Variants in MECOM observed in about 807,000 individuals in gnomAD.
MECOM encodes the protein MDS1 and EVI1 complex locus, also known as histone-lysine N-methyltransferase MECOM.
A neutral mutation model predicts 116.3 loss-of-function variants in MECOM; 13 were observed. The ratio of observed to expected loss-of-function variants is 0.11; its 90% CI spans 0.07 to 0.18. MECOM has a LOEUF of 0.18. Among genes scored for constraint, MECOM ranks in the 10% least tolerant of loss-of-function variants. The probability of loss-of-function intolerance (pLI) is 1.00; values close to 1 mark genes in which losing one functional copy is unlikely to be tolerated. For missense variants in MECOM, 1,299 were observed against 1,509.0 expected (o/e 0.86, Z 2.31); for synonymous variants, 528 against 535.2 (o/e 0.99, Z 0.19).
chr3:169,141,544 T>G (rs1479563679), intron 3 of MECOM, among the ~76,000 whole-genome samples: 1 of 152,036 alleles, frequency 6.6e-6, no homozygotes, highest in African/African-American at 2.4e-5. Context: ...TTTAGTCAGC[T>G]CTTTTATCAT....
At chr3:169,343,313 A>T (rs1229687613) in intron 2 of MECOM, among the ~76,000 whole-genome samples, 2 of 152,142 alleles carry the variant, frequency 1.3e-5, no homozygotes, top group Non-Finnish European at 2.9e-5. Flanking sequence ...TTTGTTGAAG[A>T]TGTCAGAAAG....
chr3:169,637,200 C>A (rs746259999), intron 1 of MECOM, among the ~76,000 whole-genome samples: 1 of 152,304 alleles, frequency 6.6e-6, no homozygotes, highest in East Asian at 1.9e-4. Context: ...TAGCAAGCAG[C>A]CATTCGATTG....
intron 1 of MECOM, among the ~76,000 whole-genome samples, chr3:169,598,228 T>C (rs1767371831): frequency 6.6e-6 from 1 of 152,202 alleles, no homozygotes; most frequent in African/African-American, 2.4e-5. Context: ...TTTAAAGGTA[T>C]CCAATAAACA....
At chr3:169,191,791 A>AAAGAAAGAAAGG (rs1747726745) in intron 2 of MECOM, among the ~76,000 whole-genome samples, 4 of 144,062 alleles carry the variant, frequency 2.8e-5, no homozygotes, top group Non-Finnish European at 6.0e-5. Flanking sequence ...AGAAAGAAAG[A>AAAGAAAGAAAGG]AAGGGAGGGA....
intron 2 of MECOM, among the ~76,000 whole-genome samples, chr3:169,148,626 G>C (rs897541217): frequency 1.3e-5 from 2 of 152,114 alleles, no homozygotes; most frequent in Admixed American, 6.5e-5. Context: ...GACACTTGCG[G>C]GGGAGAGGTG....
intron 1 of MECOM, among the ~76,000 whole-genome samples, chr3:169,637,897 T>A (rs1467269793): frequency 6.6e-6 from 1 of 152,134 alleles, no homozygotes; most frequent in Non-Finnish European, 1.5e-5. Context: ...AAAGGAGACA[T>A]AACCTTTGAG....
intron 1 of MECOM, among the ~76,000 whole-genome samples, chr3:169,458,000 A>C (rs569035825): frequency 6.6e-6 from 1 of 152,366 alleles, no homozygotes; most frequent in East Asian, 1.9e-4. Flanking sequence ...GCGCAATGGC[A>C]GGCTTGGACT....
At chr3:169,567,539 T>C (rs1311026415) in intron 1 of MECOM, among the ~76,000 whole-genome samples, 3 of 152,186 alleles carry the variant, frequency 2.0e-5, no homozygotes, top group African/African-American at 4.8e-5. Flanking sequence ...CCAATCCTTA[T>C]AGAATGTCAG....
chr3:169,566,961 A>G (rs1763319492), intron 1 of MECOM, among the ~76,000 whole-genome samples: 1 of 152,270 alleles, frequency 6.6e-6, no homozygotes, highest in South Asian at 2.1e-4. Flanking sequence ...GGCCTGGACC[A>G]GAATCAGCCA....
chr3:169,394,228 C>A (rs1356249657), intron 1 of MECOM, among the ~76,000 whole-genome samples: 1 of 152,102 alleles, frequency 6.6e-6, no homozygotes, highest in Non-Finnish European at 1.5e-5. Context: ...GCCAACAAGA[C>A]TTCTACATGT....
intron 2 of MECOM, among the ~76,000 whole-genome samples, chr3:169,368,389 A>T (rs1729530244): frequency 1.3e-5 from 2 of 152,064 alleles, no homozygotes; most frequent in South Asian, 4.1e-4. Flanking sequence ...GATTCTATCA[A>T]TGTAAATAAA....
rs1194079538 is a variant in MECOM, at chr3:169,382,865, TA to T, written c.38-1342del. On this transcript the variant is annotated intron_variant, in intron 1 of 16. Coordinates refer to ENST00000651503, the MANE Select transcript of MECOM (RefSeq NM_004991.4). ...AGCCCATCTCAAAAAAAAAAAAAAA[TA>T]AAAAAAATAAAAAAAGAAGGTAAAA... Among the ~76,000 whole-genome samples, 4 of 44,786 alleles carry T rather than the reference TA, an allele frequency of 8.9e-5. 1 individual carries two copies. Among genetic ancestry groups the T allele is most frequent in the African/African-American group, 2.0e-4 (3 of 14,802 alleles). The allele number at this position is 44,786 out of a possible 152,430, so 29.4% of individuals were successfully genotyped here. A position where few individuals can be genotyped will look rare whatever the true frequency, so the allele number is the denominator to read the frequency against.
chr3:169,263,374 C>T (rs1757859701), intron 2 of MECOM, among the ~76,000 whole-genome samples: 2 of 151,362 alleles, frequency 1.3e-5, no homozygotes, highest in African/African-American at 2.4e-5. Flanking sequence ...ATGATCTGCC[C>T]GCCTTGGCCT....
chr3:169,175,765 T>G (rs1023886547), intron 2 of MECOM, among the ~76,000 whole-genome samples: 3 of 152,290 alleles, frequency 2.0e-5, no homozygotes, highest in African/African-American at 7.2e-5. Flanking sequence ...GTAAAATATT[T>G]AAGATGGGTA....
At chr3:169,305,983 A>T (rs920409181) in intron 2 of MECOM, among the ~76,000 whole-genome samples, 1 of 152,154 alleles carries the variant, frequency 6.6e-6, no homozygotes, top group African/African-American at 2.4e-5. Context: ...TTTGATTTCA[A>T]TATTCTCTAG....
At chr3:169,191,683 G>A (rs972734096) in intron 2 of MECOM, among the ~76,000 whole-genome samples, 1 of 136,694 alleles carries the variant, frequency 7.3e-6, no homozygotes, top group South Asian at 2.4e-4. Flanking sequence ...AAAGAAGAAG[G>A]AAAGAAAAAG....
intron 2 of MECOM, among the ~76,000 whole-genome samples, chr3:169,193,075 A>C (rs1747929884): frequency 1.3e-5 from 2 of 152,024 alleles, no homozygotes; most frequent in South Asian, 4.1e-4. Flanking sequence ...AAAAGTAGAA[A>C]GTCTGTAAAA....
At chr3:169,404,137 C>T (rs1236563711) in intron 1 of MECOM, among the ~76,000 whole-genome samples, 1 of 152,038 alleles carries the variant, frequency 6.6e-6, no homozygotes, top group African/African-American at 2.4e-5. Flanking sequence ...TAGAACTAGA[C>T]CCTATACTAA....
rs397773936 is a variant in MECOM at position 169,169,850 on chromosome 3, T to TC, written c.376-26019dup. The stretch of plus-strand genomic sequence containing the variant: ...CTACAGTTCTACTTTTTTTTTTTTT[T>TC]CCCATGGGAAAGAAGCAAATACCAG... On this transcript the variant is annotated intron_variant, in intron 2 of 16. Transcript: ENST00000651503. Among the ~76,000 whole-genome samples the TC allele has an allele frequency of 5.1e-4, 77 of 151,716 alleles. 1 individual carries two copies. The highest frequency in any genetic ancestry group is 2.6e-3 in the Admixed American group (39 of 15,224).
Sources: gnomAD v4.1 joint callset for allele counts (sites outside exome capture counted in the v4.1 genomes callset) on GRCh38, gnomAD v4.1.1 for gene constraint, MANE v1.5 for transcripts, NCBI Gene and HGNC (gene_info 2026-07-23, HGNC 2026-07-21) for gene names.